SCFD2: variants seen among roughly 807,000 people sequenced by gnomAD.
The protein encoded by SCFD2 is sec1 family domain containing 2.
Under a neutral mutation model 58.9 loss-of-function variants are expected in SCFD2, and 54 were observed. The ratio of observed to expected loss-of-function variants is 0.92; its 90% CI spans 0.74 to 1.15. The LOEUF (loss-of-function observed/expected upper bound fraction) is 1.15. Among genes scored for constraint, SCFD2 ranks in the 50% most tolerant of loss-of-function variants. The probability of loss-of-function intolerance (pLI) is 0.00; values close to 1 mark genes in which losing one functional copy is unlikely to be tolerated. For synonymous variants in SCFD2, 321 were observed against 335.9 expected (o/e 0.96, Z 0.49); for missense variants, 805 against 836.6 (o/e 0.96, Z 0.47).
intron 3 of SCFD2, among the ~76,000 whole-genome samples, chr4:53,289,542 CA>C (rs1731773016): frequency 6.6e-6 from 1 of 151,926 alleles, no homozygotes; most frequent in Non-Finnish European, 1.5e-5. Context: ...ATCACAGAAG[CA>C]AACAATAAGA....
chr4:53,098,599 G>T (rs1490396168), intron 5 of SCFD2, among the ~76,000 whole-genome samples: 1 of 151,976 alleles, frequency 6.6e-6, no homozygotes, highest in East Asian at 1.9e-4. Context: ...ACTCACTGCT[G>T]CTTTAGAGAC....
At chr4:53,284,102 G>A (rs1731590320) in intron 3 of SCFD2, among the ~76,000 whole-genome samples, 1 of 140,274 alleles carries the variant, frequency 7.1e-6, no homozygotes, top group Non-Finnish European at 1.5e-5. Flanking sequence ...CTGGGCGACA[G>A]AGCAAGACTC....
chr4:53,179,142 A>G (rs1386265955), intron 4 of SCFD2, among the ~76,000 whole-genome samples: 1 of 152,196 alleles, frequency 6.6e-6, no homozygotes, highest in Non-Finnish European at 1.5e-5. Flanking sequence ...TTCAGGAAAT[A>G]CAGAAAACAC....
At chr4:53,026,679 A>C (rs533690664) in intron 5 of SCFD2, among the ~76,000 whole-genome samples, 1 of 152,326 alleles carries the variant, frequency 6.6e-6, no homozygotes, top group Admixed American at 6.5e-5. Context: ...TCACTCTAGG[A>C]GCCAGATCCT....
chr4:53,325,006 C>G (rs191218591), intron 2 of SCFD2, among the ~76,000 whole-genome samples: 4 of 152,292 alleles, frequency 2.6e-5, no homozygotes, highest in African/African-American at 7.2e-5. Context: ...GCTTGCCTCA[C>G]CAAGAGAAGA....
At chr4:52,919,435 G>A (rs1052366862) in intron 6 of SCFD2, among the ~76,000 whole-genome samples, 2 of 152,044 alleles carry the variant, frequency 1.3e-5, no homozygotes, top group African/African-American at 4.8e-5. Flanking sequence ...TTGTCGCCGT[G>A]GCATTCTCAG....
intron 2 of SCFD2, among the ~76,000 whole-genome samples, chr4:53,322,335 T>G (rs969773974): frequency 3.9e-5 from 6 of 152,144 alleles, no homozygotes; most frequent in African/African-American, 1.4e-4. Context: ...ATTAGCATGC[T>G]AAAAGACACT....
chr4:53,246,400 C>T (rs1316903619), intron 4 of SCFD2, among the ~76,000 whole-genome samples: 1 of 152,028 alleles, frequency 6.6e-6, no homozygotes, highest in Non-Finnish European at 1.5e-5. Flanking sequence ...GGAATCCTAA[C>T]CAAAAAGAAC....
At chr4:53,098,140 G>T (rs961473286) in intron 5 of SCFD2, among the ~76,000 whole-genome samples, 7 of 152,102 alleles carry the variant, frequency 4.6e-5, no homozygotes, top group Non-Finnish European at 1.0e-4. Context: ...GAGGATTTTT[G>T]CATCGATGTT....
chr4:53,253,040 A>G (rs1001960326), intron 4 of SCFD2, among the ~76,000 whole-genome samples: 2 of 152,220 alleles, frequency 1.3e-5, no homozygotes, highest in African/African-American at 4.8e-5. Flanking sequence ...ACACATTTAC[A>G]AGAAAAAAAC....
At chr4:53,215,736 G>T (rs1728802738) in intron 4 of SCFD2, among the ~76,000 whole-genome samples, 1 of 152,090 alleles carries the variant, frequency 6.6e-6, no homozygotes, top group Non-Finnish European at 1.5e-5. Context: ...TTTTCAAAGG[G>T]AATGCTTCCA....
intron 5 of SCFD2, among the ~76,000 whole-genome samples, chr4:53,116,786 C>A (rs1577741842): frequency 6.6e-6 from 1 of 152,160 alleles, no homozygotes; most frequent in Non-Finnish European, 1.5e-5. Flanking sequence ...ACATACTTCT[C>A]AACAAATAAC....
intron 5 of SCFD2, among the ~76,000 whole-genome samples, chr4:52,936,912 C>T (rs534092026): frequency 1.3e-5 from 2 of 152,356 alleles, no homozygotes; most frequent in Middle Eastern, 3.4e-3. Context: ...GTAAGCTGAT[C>T]TTCCTTTCTT....
At chr4:53,090,532 A>C (rs758657952) in intron 5 of SCFD2, among the ~76,000 whole-genome samples, 1 of 152,204 alleles carries the variant, frequency 6.6e-6, no homozygotes, top group Non-Finnish European at 1.5e-5. Context: ...AGAAAGGATC[A>C]TAAGATCCAG....
At chr4:53,362,179 T>G (rs996043137) in intron 1 of SCFD2, among the ~76,000 whole-genome samples, 1 of 151,958 alleles carries the variant, frequency 6.6e-6, no homozygotes, top group Non-Finnish European at 1.5e-5. Flanking sequence ...GCAGGAATGA[T>G]GTGAGGGAGA....
intron 4 of SCFD2, among the ~76,000 whole-genome samples, chr4:53,191,417 GT>G (rs1247900963): frequency 1.3e-5 from 2 of 151,392 alleles, no homozygotes; most frequent in Non-Finnish European, 2.9e-5. Flanking sequence ...TTTGTTTTTT[GT>G]TTTTTTGAGA....
intron 5 of SCFD2, among the ~76,000 whole-genome samples, chr4:53,039,004 A>G (rs1380967570): frequency 6.6e-6 from 1 of 152,142 alleles, no homozygotes; most frequent in African/African-American, 2.4e-5. Context: ...GTATTTTAAT[A>G]CCGACAAAAA....
At chr4:52,994,666 C>T (rs1011533279) in intron 5 of SCFD2, among the ~76,000 whole-genome samples, 1 of 152,190 alleles carries the variant, frequency 6.6e-6, no homozygotes, top group Admixed American at 6.5e-5. Flanking sequence ...ACAGATATAC[C>T]ACACTGTTGG....
At chr4:53,202,840 T>C (rs1728291682) in intron 4 of SCFD2, among the ~76,000 whole-genome samples, 1 of 152,152 alleles carries the variant, frequency 6.6e-6, no homozygotes, top group African/African-American at 2.4e-5. Flanking sequence ...CTGTTATTGG[T>C]GTATAAGAAT....
Sources: allele counts gnomAD v4.1 joint callset (sites outside exome capture counted in the v4.1 genomes callset), GRCh38; gene constraint gnomAD v4.1.1; transcripts MANE v1.5; gene names NCBI Gene and HGNC (gene_info 2026-07-23, HGNC 2026-07-21).